The following DENND4A variants were observed in gnomAD, a reference collection of about 807,000 sequenced individuals.
The protein encoded by DENND4A is DENN domain containing 4A.
DENND4A carries 70 observed loss-of-function variants against 199.3 expected under a neutral mutation model. That is an observed-to-expected ratio of 0.35 (90% CI 0.29 to 0.43). DENND4A has a LOEUF of 0.43. Ranked by LOEUF, DENND4A falls within the 20% of genes least tolerant of loss-of-function variation. DENND4A has a pLI of 1.00. For synonymous variants in DENND4A, 686 were observed against 766.9 expected (o/e 0.89, Z 1.74); for missense variants, 1,723 against 2,255.8 (o/e 0.76, Z 4.78).
At chr15:65,758,362 G>C (rs1396249612) in intron 2 of DENND4A, among the ~76,000 whole-genome samples, 1 of 152,190 alleles carries the variant, frequency 6.6e-6, no homozygotes, top group South Asian at 2.1e-4. Flanking sequence ...CGCCCAGGCT[G>C]AAATGGAGTA....
In DENND4A at chr15:65,737,786, A is replaced by G. The variant is rs769104370; in HGVS notation, c.961T>C (p.Phe321Leu). The G allele has an allele frequency of 6.2e-5, 99 of 1,595,458 alleles. No homozygotes were observed. The highest frequency in any genetic ancestry group is 5.0e-4 in the Middle Eastern group (3 of 6,060). The change falls in exon 7 of 33, where the codon TTT becomes CTT. Residue 321 changes from phenylalanine (F) to leucine (L), a missense_variant. This residue lies in a region of DENND4A where 725 missense variants were observed against 952.9 expected (regional missense o/e 0.76). Transcript: ENST00000443035. ...KCICLLSHWP[F>L]FDAFRKFLTF... ...AGAAACTTCCTGAATGCATCAAAAA[A>G]AGGCCAGTGAGAAAGAAGACAGATG...
At chr15:65,681,543 A>T (rs902446669) in intron 23 of DENND4A, among the ~76,000 whole-genome samples, 1 of 151,868 alleles carries the variant, frequency 6.6e-6, no homozygotes, top group Non-Finnish European at 1.5e-5. Flanking sequence ...TTCTTTTTTC[A>T]TCATTCAACT....
chr15:65,677,593 C>T (rs906867310), intron 23 of DENND4A, among the ~76,000 whole-genome samples: 8 of 152,160 alleles, frequency 5.3e-5, no homozygotes, highest in Non-Finnish European at 2.9e-5. Context: ...TAATTCTCCA[C>T]TCCTAAATGA....
chr15:65,750,129 A>AT (rs1416113149), intron 4 of DENND4A, among the ~76,000 whole-genome samples: 1 of 152,196 alleles, frequency 6.6e-6, no homozygotes, highest in African/African-American at 2.4e-5. Flanking sequence ...AGAAATTTCC[A>AT]TTTTTTTAAT....
At chr15:65,781,904 T>C (rs908883733) in intron 1 of DENND4A, among the ~76,000 whole-genome samples, 2 of 152,196 alleles carry the variant, frequency 1.3e-5, no homozygotes, top group Non-Finnish European at 2.9e-5. Context: ...CAAAAGGGGA[T>C]GGCATAGTGG....
chr15:65,667,766 C>T, intron 28 of DENND4A, 63 bp from the exon 29 acceptor site: 1 of 1,535,880 alleles, frequency 6.5e-7, no homozygotes, highest in Non-Finnish European at 8.8e-7. Flanking sequence ...TTAAAAAATT[C>T]AATGATTCCC....
chr15:65,752,055 T>A (rs1227741395), intron 4 of DENND4A, among the ~76,000 whole-genome samples: 2 of 127,902 alleles, frequency 1.6e-5, no homozygotes, highest in Non-Finnish European at 3.1e-5. Flanking sequence ...TAAATTGAGA[T>A]GTGGGATCTA....
At chr15:65,673,275 C>A (rs1369520845) in intron 24 of DENND4A, among the ~76,000 whole-genome samples, 2 of 151,732 alleles carry the variant, frequency 1.3e-5, no homozygotes, top group Non-Finnish European at 2.9e-5. Flanking sequence ...TGAGACCAGC[C>A]TGGGCAAAAT....
intron 1 of DENND4A, among the ~76,000 whole-genome samples, 155 bp downstream of exon 1, chr15:65,791,855 C>T (rs2077739613): frequency 6.6e-6 from 1 of 152,218 alleles, no homozygotes; most frequent in Non-Finnish European, 1.5e-5. Flanking sequence ...CGCGGAGCAC[C>T]TCCCGGATCT....
At chr15:65,709,720 ATATATAT>A (rs1164654445) in intron 14 of DENND4A, among the ~76,000 whole-genome samples, 1 of 50,656 alleles carries the variant, frequency 2.0e-5, no homozygotes, top group African/African-American at 9.7e-5. Context: ...AAAAAAAAAA[ATATATAT>A]ATATATATAT....
chr15:65,752,622 T>C lies in DENND4A; in HGVS notation c.318A>G (p.Leu106=), dbSNP rs116044933. Residue 106 remains leucine (L), a synonymous_variant, in exon 4 of 33, where the codon TTA becomes TTG. Transcript: ENST00000443035. ...DKPPLTDLGV[L]YDWKERLKQG... ...GTTTCAATCTTTCTTTCCAGTCATATAAAACCCTAAAAATAAATTTTTAAA... is the reference window on the plus strand; with the variant it reads ...GTTTCAATCTTTCTTTCCAGTCATACAAAACCCTAAAAATAAATTTTTAAA... The C allele has an allele frequency of 6.9e-3, 10,401 of 1,496,978 alleles. 103 individuals are homozygous for C. Among genetic ancestry groups the C allele is most frequent in the South Asian group, 0.037 (2,889 of 78,620 alleles). 92.7% of individuals were successfully genotyped at this position (1,496,978 alleles called of 1,614,324 possible).
intron 14 of DENND4A, among the ~76,000 whole-genome samples, chr15:65,708,041 G>A (rs1269315512): frequency 6.6e-6 from 1 of 151,926 alleles, no homozygotes; most frequent in African/African-American, 2.4e-5. Context: ...CTGTTGCCCA[G>A]GCTAAAATGC....
chr15:65,671,931 TGA>T (rs761570107), intron 24 of DENND4A, 45 bp from the exon 25 acceptor site: 1 of 1,128,240 alleles, frequency 8.9e-7, no homozygotes, highest in Admixed American at 1.7e-5. Flanking sequence ...TTAAAATTAA[TGA>T]GAAAGGATAT....
At chr15:65,739,458 T>C (rs2140458700) in intron 5 of DENND4A, among the ~76,000 whole-genome samples, 1 of 152,316 alleles carries the variant, frequency 6.6e-6, no homozygotes, top group African/African-American at 2.4e-5. Context: ...TCACATTAGG[T>C]AAACTAATGT....
intron 7 of DENND4A, among the ~76,000 whole-genome samples, chr15:65,736,345 G>A (rs765403344): frequency 7.9e-5 from 12 of 151,784 alleles, no homozygotes; most frequent in Admixed American, 1.3e-4. Flanking sequence ...TGCAACCTCC[G>A]CCTCCCAGGT....
chr15:65,743,535 G>A (rs2076311664), intron 4 of DENND4A, among the ~76,000 whole-genome samples: 1 of 152,030 alleles, frequency 6.6e-6, no homozygotes, highest in Admixed American at 6.6e-5. Flanking sequence ...CCCCTTTTAT[G>A]ATACTTTTAG....
At position 65,755,464 on chromosome 15, in the gene DENND4A, TAAC is replaced by T. The variant is rs2076676894; in HGVS notation, c.311+673_311+675del. Among the ~76,000 whole-genome samples, 3 of 152,276 alleles carry T rather than the reference TAAC, an allele frequency of 2.0e-5. No individual in the cohort carries two copies. In the South Asian group the frequency reaches 6.2e-4, roughly 32 times the overall value. ...AATATCCTTCTTTGATACACACAGT[TAAC>T]AATCCATCTATAATGGGGCTGGGTG... On this transcript the variant is annotated intron_variant, in intron 3 of 32. Coordinates refer to ENST00000443035, the MANE Select transcript of DENND4A (RefSeq NM_001320835.1).
At chr15:65,669,719 A>G in intron 27 of DENND4A, 60 bp downstream of exon 27, 2 of 1,421,254 alleles carry the variant, frequency 1.4e-6, no homozygotes, top group Middle Eastern at 1.8e-4. Context: ...TTTCTGTCAT[A>G]CTTCTAAAAT....
At chr15:65,674,178 T>A (rs2076299553) in intron 24 of DENND4A, among the ~76,000 whole-genome samples, 1 of 152,150 alleles carries the variant, frequency 6.6e-6, no homozygotes, top group Non-Finnish European at 1.5e-5. Flanking sequence ...TTTATAACCA[T>A]GAAAATTTGA....
Sources: gnomAD v4.1 joint callset for allele counts (sites outside exome capture counted in the v4.1 genomes callset) on GRCh38, gnomAD v4.1.1 for gene constraint, gnomAD v4.1.1 regional missense constraint, MANE v1.5 for transcripts, NCBI Gene and HGNC (gene_info 2026-07-23, HGNC 2026-07-21) for gene names.